TMEM272: variants seen among roughly 807,000 people sequenced by gnomAD.
TMEM272 encodes the protein long intergenic non-protein coding RNA 282.
TMEM272 carries 8 observed loss-of-function variants against 3.7 expected under a neutral mutation model. The observed-to-expected ratio is 2.17, with a 90% CI of 1.27 to 3.91. The LOEUF is 3.91. Among genes scored for constraint, TMEM272 ranks in the 30% most tolerant of loss-of-function variants. The pLI is 0.00. For synonymous variants in TMEM272, 63 were observed against 39.8 expected, an observed-to-expected ratio of 1.58 and a Z score of -2.20; for missense variants, 166 against 91.5, an observed-to-expected ratio of 1.81 and a Z score of -3.32.
At chr13:51,853,349 G>A in the TMEM272 span, among the ~76,000 whole-genome samples, 1 of 152,096 alleles carries the variant, frequency 6.6e-6, no homozygotes, top group Non-Finnish European at 1.5e-5. Flanking sequence ...GGCAGAGGTT[G>A]CAGTGAGCTG....
chr13:51,931,505 G>C, the TMEM272 span, among the ~76,000 whole-genome samples: 1 of 152,114 alleles, frequency 6.6e-6, no homozygotes, highest in African/African-American at 2.4e-5. Context: ...GGGGGATTAG[G>C]GGAGGGAAAG....
chr13:51,914,524 G>C, the TMEM272 span, among the ~76,000 whole-genome samples: 1 of 152,258 alleles, frequency 6.6e-6, no homozygotes, highest in Non-Finnish European at 1.5e-5. Context: ...TGGGGACCCA[G>C]AGCTGACTCC....
chr13:51,882,970 C>G, the TMEM272 span, among the ~76,000 whole-genome samples: 1 of 152,188 alleles, frequency 6.6e-6, no homozygotes, highest in Admixed American at 6.5e-5. Flanking sequence ...TTCCTGTGCC[C>G]ACCATGCCCC....
the TMEM272 span, among the ~76,000 whole-genome samples, chr13:51,869,630 C>T: frequency 1.3e-5 from 2 of 152,004 alleles, no homozygotes; most frequent in Non-Finnish European, 2.9e-5. Context: ...GCTGGGATTA[C>T]AGGCACCTGC....
chr13:51,838,382 C>A, intron 2 of TMEM272, 91 bp downstream of exon 2: 1 of 701,150 alleles, frequency 1.4e-6, no homozygotes, highest in Non-Finnish European at 2.6e-6. Flanking sequence ...GCACAGCCCA[C>A]TCATATGATC....
At chr13:51,862,844 GCAGTTCAATT>G in the TMEM272 span, among the ~76,000 whole-genome samples, 2 of 152,334 alleles carry the variant, frequency 1.3e-5, no homozygotes, top group South Asian at 4.1e-4. Context: ...TTTCCAAAAT[GCAGTTCAATT>G]CAGTTCAATT....
the TMEM272 span, among the ~76,000 whole-genome samples, chr13:51,899,886 C>T: frequency 1.3e-5 from 2 of 152,124 alleles, no homozygotes; most frequent in African/African-American, 4.8e-5. Flanking sequence ...CAAGCCTAGG[C>T]AATCATATGG....
At chr13:51,846,058 A>G (rs1313857107), upstream of TMEM272, among the ~76,000 whole-genome samples, 1 of 152,172 alleles carries the variant, frequency 6.6e-6, no homozygotes, top group African/African-American at 2.4e-5. Context: ...TGTAAAATGC[A>G]AGGAGCTGCT....
intron 3 of TMEM272, among the ~76,000 whole-genome samples, chr13:51,824,769 G>A (rs574400811): frequency 3.9e-5 from 6 of 152,276 alleles, no homozygotes; most frequent in South Asian, 2.1e-4. Context: ...CCTGGCCAAC[G>A]TGGTGAAACC....
chr13:51,905,543 G>C, the TMEM272 span, among the ~76,000 whole-genome samples: 2 of 152,348 alleles, frequency 1.3e-5, no homozygotes, highest in East Asian at 3.9e-4. Context: ...GAAACACCCA[G>C]AGAGCAGGGA....
intron 4 of TMEM272, 28 bp downstream of exon 4, chr13:51,822,027 C>G (rs949466766): frequency 1.4e-6 from 1 of 702,342 alleles, no homozygotes; most frequent in African/African-American, 1.7e-5. Context: ...TCTACAAGGA[C>G]TACAAACAGC....
At chr13:51,916,113 C>T in the TMEM272 span, among the ~76,000 whole-genome samples, 3 of 152,110 alleles carry the variant, frequency 2.0e-5, no homozygotes, top group Non-Finnish European at 4.4e-5. Context: ...ACACTGGGAA[C>T]GTGTATGTGC....
the TMEM272 span, chr13:51,909,513 ATG>A: frequency 1.3e-5 from 13 of 1,002,420 alleles, no homozygotes; most frequent in East Asian, 9.8e-5. Flanking sequence ...CACTTTCAAA[ATG>A]TGTGTTTTCC....
chr13:51,916,226 A>G, the TMEM272 span, among the ~76,000 whole-genome samples: 1 of 152,228 alleles, frequency 6.6e-6, no homozygotes, highest in Non-Finnish European at 1.5e-5. Flanking sequence ...AAGAGAACCC[A>G]TGGCTGGGCC....
intron 3 of TMEM272, among the ~76,000 whole-genome samples, chr13:51,823,747 T>A (rs954606207): frequency 6.6e-6 from 1 of 152,270 alleles, no homozygotes; most frequent in African/African-American, 2.4e-5. Flanking sequence ...TTATTCCCTA[T>A]AAATGCCTTG....
At chr13:51,921,482 A>C in the TMEM272 span, 1 of 152,190 alleles carries the variant, frequency 6.6e-6, no homozygotes, top group Non-Finnish European at 1.5e-5. Context: ...TCAGTGTCTA[A>C]GCTCAGAGCA....
At chr13:51,901,412 G>C in the TMEM272 span, among the ~76,000 whole-genome samples, 12 of 152,020 alleles carry the variant, frequency 7.9e-5, no homozygotes, top group African/African-American at 2.9e-4. Flanking sequence ...GTGGCGCCCG[G>C]TGGAGCTGCC....
the TMEM272 span, among the ~76,000 whole-genome samples, chr13:51,896,280 T>C: frequency 6.6e-6 from 1 of 152,224 alleles, no homozygotes; most frequent in Non-Finnish European, 1.5e-5. Context: ...TATAAAAGAT[T>C]TTCAAAGCCT....
At chr13:51,868,343 C>T in the TMEM272 span, among the ~76,000 whole-genome samples, 305 of 152,322 alleles carry the variant, frequency 2.0e-3, no homozygotes, top group African/African-American at 6.4e-3. Context: ...GAGAGCACTA[C>T]AGCAGTGCAT....
Sources: gnomAD v4.1 joint callset for allele counts (sites outside exome capture counted in the v4.1 genomes callset) on GRCh38, gnomAD v4.1.1 for gene constraint, MANE v1.5 for transcripts, NCBI Gene and HGNC (gene_info 2026-07-23, HGNC 2026-07-21) for gene names.